Variants in FAM83B observed in about 807,000 individuals in gnomAD.
FAM83B encodes scaffolding CK1 anchoring protein B.
FAM83B carries 26 observed loss-of-function variants against 38.8 expected under a neutral mutation model. The ratio of observed to expected loss-of-function variants is 0.67; its 90% CI spans 0.49 to 0.93. The LOEUF (loss-of-function observed/expected upper bound fraction) is 0.93. Among genes scored for constraint, FAM83B ranks in the 40% least tolerant of loss-of-function variants. The probability of loss-of-function intolerance (pLI) is 0.00; values close to 1 mark genes in which losing one functional copy is unlikely to be tolerated. For missense variants in FAM83B, 1,237 were observed against 1,197.3 expected, an observed-to-expected ratio of 1.03 and a Z score of -0.49; for synonymous variants, 419 against 423.1, an observed-to-expected ratio of 0.99 and a Z score of 0.12.
intron 2 of FAM83B, among the ~76,000 whole-genome samples, chr6:54,882,389 G>A (rs141383308): frequency 2.0e-4 from 31 of 152,272 alleles, no homozygotes; most frequent in East Asian, 7.7e-4. Context: ...GTTCTCTAAC[G>A]TAGATACCTT....
intron 2 of FAM83B, among the ~76,000 whole-genome samples, chr6:54,881,285 T>C (rs796482563): frequency 2.6e-5 from 4 of 152,340 alleles, no homozygotes; most frequent in African/African-American, 7.2e-5. Context: ...CCAGTGCTGA[T>C]ATGGTGAGAG....
intron 2 of FAM83B, among the ~76,000 whole-genome samples, chr6:54,883,381 C>T (rs1354260442): frequency 7.7e-6 from 1 of 130,246 alleles, no homozygotes; most frequent in Non-Finnish European, 1.5e-5. Flanking sequence ...GTTGCCCAGG[C>T]TGGAGTGCAA....
chr6:54,860,364 A>G (rs1184926799), intron 1 of FAM83B, among the ~76,000 whole-genome samples: 2 of 152,162 alleles, frequency 1.3e-5, no homozygotes, highest in South Asian at 2.1e-4. Context: ...CACTTCCTCT[A>G]TACTCCTATA....
intron 2 of FAM83B, among the ~76,000 whole-genome samples, chr6:54,877,193 G>A (rs1772017030): frequency 6.6e-6 from 1 of 152,216 alleles, no homozygotes; most frequent in Non-Finnish European, 1.5e-5. Context: ...AAAGGAACAT[G>A]GAAGAAGAGA....
chr6:54,908,645 A>T (rs1353749584), intron 2 of FAM83B, among the ~76,000 whole-genome samples: 2 of 152,170 alleles, frequency 1.3e-5, no homozygotes, highest in Non-Finnish European at 1.5e-5. Flanking sequence ...TCATAGAGAC[A>T]ATGTACAATT....
intron 2 of FAM83B, among the ~76,000 whole-genome samples, chr6:54,921,909 A>G (rs1464872016): frequency 6.6e-6 from 1 of 152,060 alleles, no homozygotes; most frequent in Non-Finnish European, 1.5e-5. Context: ...AAGTTACATT[A>G]TATTTTGCCT....
chr6:54,850,495 C>T (rs1368294027), intron 1 of FAM83B, among the ~76,000 whole-genome samples: 1 of 152,174 alleles, frequency 6.6e-6, no homozygotes, highest in Non-Finnish European at 1.5e-5. Context: ...TCTTTAACAT[C>T]AGATTCCTTC....
intron 2 of FAM83B, among the ~76,000 whole-genome samples, chr6:54,909,189 G>A (rs1184213727): frequency 6.6e-6 from 1 of 152,026 alleles, no homozygotes; most frequent in Non-Finnish European, 1.5e-5. Flanking sequence ...TGTATTTCAG[G>A]TTATACTTCA....
chr6:54,935,353 A>G (rs1314276584), intron 4 of FAM83B, among the ~76,000 whole-genome samples: 2 of 152,302 alleles, frequency 1.3e-5, no homozygotes, highest in East Asian at 3.9e-4. Flanking sequence ...GGGGTATTGT[A>G]TAAATGAAAT....
rs972163483 is a variant in FAM83B at position 54,886,824 on chromosome 6, A to G, written c.444+16134A>G. On this transcript the variant is annotated intron_variant, in intron 2 of 4. Coordinates refer to ENST00000306858, the MANE Select transcript of FAM83B (RefSeq NM_001010872.3). Reference sequence around the variant, plus strand: ...CTATTAATTTTCAGTGTTTTAGTTTATAATATGTGAATTGGAAAATAATTT... The same window carrying G: ...CTATTAATTTTCAGTGTTTTAGTTTGTAATATGTGAATTGGAAAATAATTT... Among the ~76,000 whole-genome samples, 3 of 151,786 alleles carry G rather than the reference A, an allele frequency of 2.0e-5. No individual in the cohort carries two copies. The South Asian group carries it at 6.2e-4, about 31-fold the overall frequency.
chr6:54,908,650 A>G lies in FAM83B; in HGVS notation c.445-17721A>G, dbSNP rs564792659. Among the ~76,000 whole-genome samples the G allele has an allele frequency of 3.9e-5, 6 of 152,310 alleles. No homozygotes were observed. In the South Asian group the frequency reaches 1.0e-3, roughly 26 times the overall value. On this transcript the variant is annotated intron_variant, in intron 2 of 4. Coordinates refer to ENST00000306858, the MANE Select transcript of FAM83B (RefSeq NM_001010872.3). The stretch of plus-strand genomic sequence containing the variant: ...CTATAGCTCATCATAGAGACAATGT[A>G]CAATTCAATACCAGCCTCACCCAAA...
intron 4 of FAM83B, 142 bp from the exon 5 acceptor site, chr6:54,939,564 A>G (rs572788200): frequency 8.5e-5 from 64 of 750,044 alleles, no homozygotes; most frequent in Non-Finnish European, 1.1e-4. Flanking sequence ...CATGTAGTGC[A>G]TGTAATGACG....
At chr6:54,856,615 T>A (rs1771452483) in intron 1 of FAM83B, among the ~76,000 whole-genome samples, 2 of 152,196 alleles carry the variant, frequency 1.3e-5, no homozygotes, top group Non-Finnish European at 1.5e-5. Flanking sequence ...AACTTCCCTG[T>A]GTGCAAGTGC....
At chr6:54,932,007 CTTTTT>C (rs377085448) in intron 4 of FAM83B, among the ~76,000 whole-genome samples, 1 of 89,186 alleles carries the variant, frequency 1.1e-5, no homozygotes, top group African/African-American at 5.3e-5. Flanking sequence ...TTACATAAAA[CTTTTT>C]TTTTTTTTTT....
intron 2 of FAM83B, among the ~76,000 whole-genome samples, chr6:54,910,695 G>C (rs1772886830): frequency 6.6e-6 from 1 of 152,136 alleles, no homozygotes; most frequent in Non-Finnish European, 1.5e-5. Flanking sequence ...TTTCATAAAT[G>C]TCTCATTTTC....
Position 54,866,544 on chromosome 6 carries a change from G to A in FAM83B, c.-60-3643G>A, listed in dbSNP as rs560971871. On this transcript the variant is annotated intron_variant, in intron 1 of 4. Coordinates refer to ENST00000306858, the MANE Select transcript of FAM83B (RefSeq NM_001010872.3). ...TGGAATTATTCAGCATGTAAACTTTGGAGATTGGTGTTTTTTCATTCAGCA... is the reference window on the plus strand; with the variant it reads ...TGGAATTATTCAGCATGTAAACTTTAGAGATTGGTGTTTTTTCATTCAGCA... 3.9e-5 allele frequency among the ~76,000 whole-genome samples: 6 copies of A among 152,216 alleles called. No individual in the cohort carries two copies. The South Asian group carries it at 1.2e-3, about 32-fold the overall frequency.
Position 54,870,483 on chromosome 6 carries a change from T to G in FAM83B, c.237T>G (p.Thr79=). 6.2e-7 allele frequency: 1 copy of G among 1,614,098 alleles called. No homozygotes were observed. The highest frequency in any genetic ancestry group is 8.5e-7 in the Non-Finnish European group (1 of 1,179,986). The change falls in exon 2 of 5, where the codon ACT becomes ACG. Residue 79 remains threonine (T), a synonymous_variant. Transcript: ENST00000306858. ...TTGCACAAAGCACAGCACATGGTAC[T>G]GATGATTCCTGTGATGATACCTTAT... ...QKVAQSTAHG[T]DDSCDDTLSS...
At chr6:54,884,079 G>A (rs552149929) in intron 2 of FAM83B, among the ~76,000 whole-genome samples, 17 of 152,070 alleles carry the variant, frequency 1.1e-4, no homozygotes, top group Non-Finnish European at 1.8e-4. Context: ...CAAGGTGGGC[G>A]GATCACGAGG....
At chr6:54,875,246 C>T (rs1327732816) in intron 2 of FAM83B, among the ~76,000 whole-genome samples, 1 of 152,084 alleles carries the variant, frequency 6.6e-6, no homozygotes, top group South Asian at 2.1e-4. Context: ...TGAATTAGTT[C>T]GTGATAGAAA....
Sources: gnomAD v4.1 joint callset for allele counts (sites outside exome capture counted in the v4.1 genomes callset) on GRCh38, gnomAD v4.1.1 for gene constraint, MANE v1.5 for transcripts, NCBI Gene and HGNC (gene_info 2026-07-23, HGNC 2026-07-21) for gene names.